Variants in CHODL observed in about 807,000 individuals in gnomAD.
CHODL encodes the protein chondrolectin, also known as transmembrane protein MT75.
CHODL carries 29 observed loss-of-function variants against 34.5 expected under a neutral mutation model. The observed-to-expected ratio is 0.84, with a 90% CI of 0.63 to 1.15. The LOEUF (loss-of-function observed/expected upper bound fraction) is 1.15, where lower values mean the gene tolerates loss of function less well. CHODL is among the 50% of genes most tolerant of loss of function. The probability of loss-of-function intolerance (pLI) is 0.00; values close to 1 mark genes in which losing one functional copy is unlikely to be tolerated. For synonymous variants in CHODL, 125 were observed against 116.1 expected, an observed-to-expected ratio of 1.08 and a Z score of -0.49; for missense variants, 332 against 332.5, an observed-to-expected ratio of 1.00 and a Z score of 0.01.
chr21:18,240,047 A>C (rs924443886), upstream of CHODL, among the ~76,000 whole-genome samples: 1 of 152,108 alleles, frequency 6.6e-6, no homozygotes, highest in Non-Finnish European at 1.5e-5. Flanking sequence ...AATATCTAGC[A>C]TAGCGATTTC....
chr21:17,965,326 C>T (rs972048870), intron 1 of CHODL, among the ~76,000 whole-genome samples: 4 of 152,084 alleles, frequency 2.6e-5, no homozygotes, highest in African/African-American at 9.7e-5. Flanking sequence ...CAAAATTCAC[C>T]ATATGCTGGA....
At chr21:17,922,368 G>T (rs992102822) in intron 1 of CHODL, among the ~76,000 whole-genome samples, 3 of 152,154 alleles carry the variant, frequency 2.0e-5, no homozygotes, top group African/African-American at 7.2e-5. Flanking sequence ...GTGGAGCGAG[G>T]CCCAGAGATT....
intron 1 of CHODL, among the ~76,000 whole-genome samples, chr21:17,947,739 G>A (rs1360658871): frequency 1.3e-5 from 2 of 152,010 alleles, no homozygotes; most frequent in Admixed American, 6.6e-5. Flanking sequence ...TGGAAAACAG[G>A]ATATGGATTG....
chr21:17,924,794 G>C (rs2094473659), intron 1 of CHODL, among the ~76,000 whole-genome samples: 2 of 151,904 alleles, frequency 1.3e-5, no homozygotes, highest in South Asian at 4.2e-4. Context: ...TTTCTTTTTT[G>C]TACATTGTCA....
In CHODL at chr21:18,068,635, C is replaced by T. The variant is rs899081691; in HGVS notation, c.-45+40664C>T. On this transcript the variant is annotated intron_variant, in intron 2 of 6. Coordinates refer to the CHODL transcript ENST00000400127. ...TCTCGTAGATGTTCCCAAGTTGAAT[C>T]GACCTTTTGAAGTCCTCATCTTACT... Among the ~76,000 whole-genome samples, 6 of 152,270 alleles carry T rather than the reference C, an allele frequency of 3.9e-5. No homozygotes were observed. The East Asian group carries it at 5.8e-4, about 15-fold the overall frequency.
At chr21:17,981,176 T>A (rs1446689798) in intron 1 of CHODL, among the ~76,000 whole-genome samples, 2 of 152,220 alleles carry the variant, frequency 1.3e-5, no homozygotes, top group Non-Finnish European at 2.9e-5. Context: ...TTTTTGTTAT[T>A]GTTTAAAAAA....
At chr21:18,035,766 G>A (rs563293250) in intron 2 of CHODL, among the ~76,000 whole-genome samples, 1 of 148,388 alleles carries the variant, frequency 6.7e-6, no homozygotes, top group Admixed American at 6.9e-5. Context: ...AGATGTTAAA[G>A]TTTTATCTTG....
At chr21:18,019,767 T>A (rs2064110627) in intron 1 of CHODL, among the ~76,000 whole-genome samples, 1 of 152,188 alleles carries the variant, frequency 6.6e-6, no homozygotes, top group African/African-American at 2.4e-5. Flanking sequence ...GCACATTACA[T>A]GTATGGGGCA....
intron 2 of CHODL, among the ~76,000 whole-genome samples, chr21:18,171,112 T>TTC (rs138826296): frequency 0.38 from 14,809 of 39,354 alleles, 1,141 homozygotes; most frequent in Non-Finnish European, 0.44. Context: ...ACTCCAGAAT[T>TTC]TGTTTTTTTT....
chr21:18,253,478 A>G (rs1354295058), intron 1 of CHODL, among the ~76,000 whole-genome samples: 1 of 152,110 alleles, frequency 6.6e-6, no homozygotes, highest in African/African-American at 2.4e-5. Flanking sequence ...ATATTTGGAC[A>G]CTTAGAACTA....
intron 2 of CHODL, among the ~76,000 whole-genome samples, chr21:18,102,237 T>C (rs1331756687): frequency 2.6e-5 from 4 of 152,188 alleles, no homozygotes; most frequent in African/African-American, 7.2e-5. Flanking sequence ...TATCATTTTG[T>C]CAATCATCCA....
chr21:18,013,249 A>C (rs369743270), intron 1 of CHODL, among the ~76,000 whole-genome samples: 3 of 152,092 alleles, frequency 2.0e-5, no homozygotes, highest in Non-Finnish European at 4.4e-5. Flanking sequence ...CTTTTCACTC[A>C]AATCTGTGTT....
intron 2 of CHODL, among the ~76,000 whole-genome samples, chr21:18,162,601 A>G (rs990438071): frequency 4.6e-5 from 7 of 152,282 alleles, no homozygotes; most frequent in African/African-American, 1.4e-4. Context: ...TATTTCCAAC[A>G]AAGGTCACAT....
intron 2 of CHODL, among the ~76,000 whole-genome samples, chr21:18,135,138 G>A (rs1469508720): frequency 1.3e-5 from 2 of 152,184 alleles, no homozygotes; most frequent in Non-Finnish European, 2.9e-5. Context: ...TCCTATTGAA[G>A]TGTAATGGTG....
At chr21:17,965,271 C>T (rs1417171466) in intron 1 of CHODL, among the ~76,000 whole-genome samples, 4 of 152,096 alleles carry the variant, frequency 2.6e-5, no homozygotes. Flanking sequence ...CTAAAGTCTT[C>T]CAATGGTGTA....
chr21:18,207,659 C>CTTTTTTTTTTTT (rs34259143), intron 2 of CHODL, among the ~76,000 whole-genome samples: 5 of 55,952 alleles, frequency 8.9e-5, no homozygotes, highest in Admixed American at 2.5e-4. Context: ...AATCTCTCAG[C>CTTTTTTTTTTTT]TTTTTTTTTT....
At chr21:18,148,481 G>A (rs2072925582) in intron 2 of CHODL, among the ~76,000 whole-genome samples, 1 of 151,976 alleles carries the variant, frequency 6.6e-6, no homozygotes, top group Non-Finnish European at 1.5e-5. Context: ...GGGACTTGGG[G>A]GAGAATTTGT....
chr21:17,957,985 T>A (rs904559873), intron 1 of CHODL, among the ~76,000 whole-genome samples: 1 of 151,972 alleles, frequency 6.6e-6, no homozygotes, highest in African/African-American at 2.4e-5. Flanking sequence ...TAGTACAGAT[T>A]GTTATTGATG....
chr21:18,062,352 G>T (rs2064677528), intron 2 of CHODL, among the ~76,000 whole-genome samples: 1 of 151,086 alleles, frequency 6.6e-6, no homozygotes, highest in Admixed American at 6.6e-5. Context: ...GAGATTACAG[G>T]TACACACCAC....
Sources: gnomAD v4.1 joint callset for allele counts (sites outside exome capture counted in the v4.1 genomes callset) on GRCh38, gnomAD v4.1.1 for gene constraint, MANE v1.5 for transcripts, NCBI Gene and HGNC (gene_info 2026-07-23, HGNC 2026-07-21) for gene names.